The following CTHRC1 variants were observed in gnomAD, a reference collection of about 807,000 sequenced individuals.
CTHRC1 encodes collagen triple helix repeat-containing protein 1.
A neutral mutation model predicts 25.9 loss-of-function variants in CTHRC1; 21 were observed. The ratio of observed to expected loss-of-function variants is 0.81; its 90% CI spans 0.57 to 1.17. The LOEUF is 1.17. Ranked by LOEUF, CTHRC1 falls within the 50% of genes most tolerant of loss-of-function variation. CTHRC1 has a pLI of 0.00. For synonymous variants in CTHRC1, 109 were observed against 113.1 expected (o/e 0.96, Z 0.23); for missense variants, 281 against 304.3 (o/e 0.92, Z 0.57).
chr8:103,382,735 T>A lies in CTHRC1; in HGVS notation c.*135T>A. The stretch of plus-strand genomic sequence containing the variant: ...AATATGTTTACAGACCAAAGTGTGA[T>A]TTCACACTGTTTTTAAATCTAGCAT... On this transcript the variant is annotated 3_prime_UTR_variant, in exon 4 of 4. Transcript: ENST00000330295. The A allele has an allele frequency of 3.6e-6, 3 of 832,420 alleles. No homozygotes were observed. Among genetic ancestry groups the A allele is most frequent in the Non-Finnish European group, 6.2e-6 (3 of 482,632 alleles). 51.6% of individuals were successfully genotyped at this position (832,420 alleles called of 1,614,324 possible).
In CTHRC1 at chr8:103,375,921, A is replaced by T; in HGVS notation, c.334A>T (p.Ser112Cys). The change falls in exon 2 of 4, where the codon AGT becomes TGT. Residue 112 changes from serine to cysteine, a missense_variant. By Grantham distance (112) the Ser-to-Cys change is moderately radical. Coordinates refer to ENST00000330295, the MANE Select transcript of CTHRC1 (RefSeq NM_138455.4). ...WTPNYKQCSWSSLNYGIDLGK... is the reference protein window; with the variant it reads ...WTPNYKQCSWCSLNYGIDLGK... ...ACCCAACTACAAGCAGTGTTCATGG[A>T]GTTCATTGAATTATGGCATAGATCT... The T allele has an allele frequency of 6.2e-7, 1 of 1,614,056 alleles. No individual in the cohort carries two copies.
chr8:103,381,177 ATGTT>A lies in CTHRC1; in HGVS notation c.590-1274_590-1271del, dbSNP rs1213121587. Among the ~76,000 whole-genome samples, 6 of 152,000 alleles carry A rather than the reference ATGTT, an allele frequency of 3.9e-5. No individual in the cohort carries two copies. In the East Asian group the frequency reaches 1.2e-3, roughly 29 times the overall value. On this transcript the variant is annotated intron_variant, in intron 3 of 3. Coordinates refer to ENST00000330295, the MANE Select transcript of CTHRC1 (RefSeq NM_138455.4). Reference sequence around the variant, plus strand: ...TTTGTTACTTATGTATACATGTGCCATGTTTGTTTGCTGCACCCATTAACTCGCC... The same window carrying A: ...TTTGTTACTTATGTATACATGTGCCATGTTTGCTGCACCCATTAACTCGCC...
In CTHRC1 at chr8:103,377,929, G is replaced by A. The variant is rs1286139571; in HGVS notation, c.373-98G>A. The stretch of plus-strand genomic sequence containing the variant: ...AAGTTAAACTTTTTAAATACATTTT[G>A]GGGAAAAGGATAGTTAAGTAAAATT... On this transcript the variant is annotated intron_variant, in intron 2 of 3. Transcript: ENST00000330295. 81 of 1,040,788 alleles carry A rather than the reference G, an allele frequency of 7.8e-5. No homozygotes were observed. The highest frequency in any genetic ancestry group is 1.2e-4 in the Non-Finnish European group (77 of 669,444). 64.5% of individuals were successfully genotyped at this position (1,040,788 alleles called of 1,614,324 possible). A position where few individuals can be genotyped will look rare whatever the true frequency, so the allele number is the denominator to read the frequency against.
intron 1 of CTHRC1, among the ~76,000 whole-genome samples, chr8:103,373,165 T>G (rs1815740688): frequency 6.6e-6 from 1 of 152,220 alleles, no homozygotes; most frequent in African/African-American, 2.4e-5. Context: ...TGAAGCTTGC[T>G]ATTTTCCCCC....
intron 3 of CTHRC1, among the ~76,000 whole-genome samples, chr8:103,381,794 C>T (rs1394138500): frequency 1.3e-5 from 2 of 151,968 alleles, no homozygotes; most frequent in Non-Finnish European, 2.9e-5. Flanking sequence ...GTCAGGAGAT[C>T]GAGACCATCC....
intron 3 of CTHRC1, among the ~76,000 whole-genome samples, chr8:103,381,253 C>G (rs143637472): frequency 6.6e-6 from 1 of 151,360 alleles, no homozygotes; most frequent in African/African-American, 2.4e-5. Flanking sequence ...CCCAGCCCCC[C>G]ACCCCACAAC....
rs1230614545 is a variant in CTHRC1 at position 103,371,617 on chromosome 8, C to T, written c.-40C>T. 6.5e-7 allele frequency: 1 copy of T among 1,527,400 alleles called. No individual in the cohort carries two copies. Among genetic ancestry groups the T allele is most frequent in the Admixed American group, 2.0e-5 (1 of 49,294 alleles). 94.6% of individuals were successfully genotyped at this position (1,527,400 alleles called of 1,614,324 possible). ...CTGACCACGTTCCTCTCCTCGGTCT[C>T]CTCCGCCTCCAGCTCCGCGCTGCCC... On this transcript the variant is annotated 5_prime_UTR_variant, in exon 1 of 4. Coordinates refer to ENST00000330295, the MANE Select transcript of CTHRC1 (RefSeq NM_138455.4).
intron 1 of CTHRC1, chr8:103,372,349 T>G: frequency 5.4e-5 from 54 of 1,001,636 alleles, no homozygotes; most frequent in Non-Finnish European, 7.1e-5. Flanking sequence ...TTGAAGACTA[T>G]GAGTCACGTT....
At chr8:103,376,006 A>T in intron 2 of CTHRC1, 47 bp downstream of exon 2, 1 of 1,434,832 alleles carries the variant, frequency 7.0e-7, no homozygotes, top group Admixed American at 1.9e-5. Context: ...AAGGGTTTTC[A>T]TATTTTAGTG....
chr8:103,372,884 C>A (rs1222339436), intron 1 of CTHRC1, among the ~76,000 whole-genome samples: 1 of 152,036 alleles, frequency 6.6e-6, no homozygotes, highest in African/African-American at 2.4e-5. Context: ...TGTTAAGCTG[C>A]CATTTTAAAC....
chr8:103,373,841 T>C (rs931894779), intron 1 of CTHRC1, among the ~76,000 whole-genome samples: 3 of 151,788 alleles, frequency 2.0e-5, no homozygotes, highest in Non-Finnish European at 2.9e-5. Flanking sequence ...GTGTAGCATC[T>C]TGCCCTGAGG....
At chr8:103,375,079 A>AG (rs1815780724) in intron 1 of CTHRC1, among the ~76,000 whole-genome samples, 2 of 152,230 alleles carry the variant, frequency 1.3e-5, no homozygotes, top group South Asian at 4.1e-4. Flanking sequence ...CTTGGGGAAG[A>AG]GGGGTGGGAT....
chr8:103,378,158 A>C lies in CTHRC1; in HGVS notation c.504A>C (p.Gly168=). The C allele has an allele frequency of 6.2e-7, 1 of 1,614,116 alleles. No homozygotes were observed. The highest frequency in any genetic ancestry group is 8.5e-7 in the Non-Finnish European group (1 of 1,180,004). The change falls in exon 3 of 4, where the codon GGA becomes GGC. Residue 168 remains glycine (G), a synonymous_variant. Transcript: ENST00000330295. ...CATTCAATGGAGCTGAATGTTCAGG[A>C]CCTCTTCCCATTGAAGCTATAATTT... The part of the protein sequence containing the change: ...YFTFNGAECS[G]PLPIEAIIYL...
chr8:103,380,089 T>A (rs1487785923), intron 3 of CTHRC1, among the ~76,000 whole-genome samples: 2 of 152,192 alleles, frequency 1.3e-5, no homozygotes, highest in Non-Finnish European at 2.9e-5. Flanking sequence ...GTGCTTCCCA[T>A]CTAAGAAATA....
At chr8:103,377,899 C>T (rs571309198) in intron 2 of CTHRC1, 128 bp from the exon 3 acceptor site, 336 of 843,290 alleles carry the variant, frequency 4.0e-4, no homozygotes, top group Non-Finnish European at 5.7e-4. Flanking sequence ...CCACCACACC[C>T]GGCCAAGTTA....
intron 2 of CTHRC1, among the ~76,000 whole-genome samples, chr8:103,377,626 CAG>C (rs1436252197): frequency 3.3e-5 from 5 of 152,118 alleles, no homozygotes; most frequent in Non-Finnish European, 5.9e-5. Flanking sequence ...TTTTTTGAGA[CAG>C]AGTCTCACTT....
intron 3 of CTHRC1, among the ~76,000 whole-genome samples, chr8:103,378,489 T>G (rs1563709551): frequency 6.6e-6 from 1 of 152,208 alleles, no homozygotes; most frequent in Non-Finnish European, 1.5e-5. Flanking sequence ...AGCTTCTGTG[T>G]TTTTTAAAAG....
intron 2 of CTHRC1, among the ~76,000 whole-genome samples, chr8:103,377,722 G>A (rs1815829912): frequency 6.6e-6 from 1 of 152,192 alleles, no homozygotes; most frequent in Non-Finnish European, 1.5e-5. Context: ...TCACGTCTCA[G>A]CCTCCCGAGT....
intron 3 of CTHRC1, 39 bp downstream of exon 3, chr8:103,378,282 CTAAG>C: frequency 6.5e-7 from 1 of 1,527,720 alleles, no homozygotes; most frequent in Non-Finnish European, 9.0e-7. Context: ...TGCCTCAGAT[CTAAG>C]TAAGATTAGT....
Sources: gnomAD v4.1 joint callset for allele counts (sites outside exome capture counted in the v4.1 genomes callset) on GRCh38, gnomAD v4.1.1 for gene constraint, MANE v1.5 for transcripts, NCBI Gene and HGNC (gene_info 2026-07-23, HGNC 2026-07-21) for gene names.